The following SKAP2 variants were observed in gnomAD, a reference collection of about 807,000 sequenced individuals.
SKAP2 encodes src kinase-associated phosphoprotein 2.
Under a neutral mutation model 54.9 loss-of-function variants are expected in SKAP2, and 28 were observed. The ratio of observed to expected loss-of-function variants is 0.51; its 90% CI spans 0.38 to 0.70. The LOEUF (loss-of-function observed/expected upper bound fraction) is 0.70, where lower values mean the gene tolerates loss of function less well. SKAP2 is among the 30% of genes least tolerant of loss of function. The pLI is 0.00. For synonymous variants in SKAP2, 137 were observed against 134.3 expected (o/e 1.02, Z -0.14); for missense variants, 356 against 424.1 (o/e 0.84, Z 1.41).
chr7:26,807,517 C>T (rs978107121), intron 4 of SKAP2, among the ~76,000 whole-genome samples: 6 of 152,186 alleles, frequency 3.9e-5, no homozygotes, highest in African/African-American at 9.7e-5. Context: ...TTTCCTGAGG[C>T]GCCCCCAGCC....
chr7:26,742,686 G>A (rs1052799924), intron 4 of SKAP2, among the ~76,000 whole-genome samples: 6 of 151,838 alleles, frequency 4.0e-5, no homozygotes, highest in African/African-American at 1.2e-4. Context: ...ATTGCTGTTT[G>A]TCCAATATCC....
At chr7:26,750,655 G>C (rs1338870704) in intron 4 of SKAP2, among the ~76,000 whole-genome samples, 1 of 152,046 alleles carries the variant, frequency 6.6e-6, no homozygotes, top group Non-Finnish European at 1.5e-5. Context: ...TCATCTGTAA[G>C]ATTTTGGGTC....
At chr7:26,704,980 A>C (rs3801872) in intron 9 of SKAP2, among the ~76,000 whole-genome samples, 69,716 of 152,012 alleles carry the variant, frequency 0.46, 16,948 homozygotes, top group East Asian at 0.6. Context: ...AATATTTTTA[A>C]TGTACATGGC....
At chr7:26,826,296 G>A (rs1784494112) in intron 4 of SKAP2, among the ~76,000 whole-genome samples, 1 of 152,054 alleles carries the variant, frequency 6.6e-6, no homozygotes, top group Non-Finnish European at 1.5e-5. Flanking sequence ...CCATCCTATG[G>A]GTACAGTGTC....
At chr7:26,665,247 CGAG>C (rs1455156400), downstream of SKAP2, among the ~76,000 whole-genome samples, 3 of 152,088 alleles carry the variant, frequency 2.0e-5, no homozygotes, top group East Asian at 5.8e-4. Flanking sequence ...CCAAGCTGCC[CGAG>C]GAGGCACCTG....
At chr7:26,828,158 A>C (rs941966598) in intron 4 of SKAP2, among the ~76,000 whole-genome samples, 2 of 152,184 alleles carry the variant, frequency 1.3e-5, no homozygotes, top group African/African-American at 4.8e-5. Context: ...AAGTCAACAA[A>C]ATGATCTATT....
chr7:26,713,063 C>T (rs1787344191), intron 9 of SKAP2, among the ~76,000 whole-genome samples: 1 of 152,182 alleles, frequency 6.6e-6, no homozygotes, highest in Admixed American at 6.5e-5. Flanking sequence ...CTGGCTGTTG[C>T]CCTTCTCTCC....
chr7:26,778,277 C>G (rs79996767), intron 4 of SKAP2, among the ~76,000 whole-genome samples: 1 of 151,960 alleles, frequency 6.6e-6, no homozygotes, highest in South Asian at 2.1e-4. Flanking sequence ...TGGGGAAATA[C>G]GACATTTAAT....
intron 11 of SKAP2, among the ~76,000 whole-genome samples, chr7:26,675,462 C>G (rs187610248): frequency 6.6e-6 from 1 of 152,150 alleles, no homozygotes; most frequent in Non-Finnish European, 1.5e-5. Flanking sequence ...GTAGATTTTA[C>G]GTACATTAGT....
At chr7:26,684,335 A>T (rs939639339) in intron 11 of SKAP2, among the ~76,000 whole-genome samples, 1 of 152,196 alleles carries the variant, frequency 6.6e-6, no homozygotes, top group African/African-American at 2.4e-5. Flanking sequence ...CTTGTTCTAT[A>T]AACATAGTGT....
intron 3 of SKAP2, among the ~76,000 whole-genome samples, chr7:26,848,442 T>G (rs560851085): frequency 6.6e-6 from 1 of 152,320 alleles, no homozygotes; most frequent in African/African-American, 2.4e-5. Flanking sequence ...ACGCAAACTT[T>G]AGTTCATGCA....
At chr7:26,666,094 T>C (rs1453648642), downstream of SKAP2, among the ~76,000 whole-genome samples, 3 of 152,116 alleles carry the variant, frequency 2.0e-5, no homozygotes, top group Non-Finnish European at 2.9e-5. Context: ...ACCACCTCTT[T>C]CTTTACCATG....
At chr7:26,781,152 A>C (rs1239382274) in intron 4 of SKAP2, among the ~76,000 whole-genome samples, 3 of 152,300 alleles carry the variant, frequency 2.0e-5, no homozygotes, top group Middle Eastern at 3.4e-3. Flanking sequence ...ATAAAAGATG[A>C]CAAAGATGGA....
At chr7:26,818,893 A>AATGGTGATAATTAAAAAGTC (rs1784326552) in intron 4 of SKAP2, among the ~76,000 whole-genome samples, 2 of 152,206 alleles carry the variant, frequency 1.3e-5, no homozygotes, top group African/African-American at 4.8e-5. Flanking sequence ...TGCCAGTTAG[A>AATGGTGATAATTAAAAAGTC]ATGGTGATAA....
Position 26,738,101 on chromosome 7 carries a change from A to C in SKAP2, c.469+694T>G, listed in dbSNP as rs555260401. ...ACAGTCACAGCTCTCCAGCCTAGGC[A>C]CCGAGACAAGACCCTGTTTCTAAAA... On this transcript the variant is annotated intron_variant, in intron 6 of 12. Coordinates refer to ENST00000345317, the MANE Select transcript of SKAP2 (RefSeq NM_003930.5). 1.3e-3 allele frequency among the ~76,000 whole-genome samples: 193 copies of C among 152,290 alleles called. 1 individual carries two copies. Among genetic ancestry groups the C allele is most frequent in the Middle Eastern group, 6.8e-3 (2 of 294 alleles).
chr7:26,703,233 C>CT (rs1787083387), intron 9 of SKAP2, among the ~76,000 whole-genome samples: 1 of 151,922 alleles, frequency 6.6e-6, no homozygotes, highest in Admixed American at 6.6e-5. Flanking sequence ...ACCTGATGAG[C>CT]TTTAAAAAAA....
intron 6 of SKAP2, among the ~76,000 whole-genome samples, chr7:26,736,149 C>T (rs1787935511): frequency 1.3e-5 from 2 of 152,078 alleles, no homozygotes; most frequent in South Asian, 4.1e-4. Flanking sequence ...AGGCTTTGAC[C>T]TATGGGGGCT....
chr7:26,770,593 C>T (rs1258589109), intron 4 of SKAP2, among the ~76,000 whole-genome samples: 1 of 152,102 alleles, frequency 6.6e-6, no homozygotes, highest in Non-Finnish European at 1.5e-5. Context: ...CATAGGCACC[C>T]AAGGGAATCT....
chr7:26,770,305 C>G (rs1253347346), intron 4 of SKAP2, among the ~76,000 whole-genome samples: 1 of 152,140 alleles, frequency 6.6e-6, no homozygotes, highest in Non-Finnish European at 1.5e-5. Context: ...ACCCCTTCCC[C>G]CACCAAGCTC....
Sources: gnomAD v4.1 joint callset for allele counts (sites outside exome capture counted in the v4.1 genomes callset) on GRCh38, gnomAD v4.1.1 for gene constraint, MANE v1.5 for transcripts, NCBI Gene and HGNC (gene_info 2026-07-23, HGNC 2026-07-21) for gene names.